The following ATP2B2 variants were observed in gnomAD, a reference collection of about 807,000 sequenced individuals.
ATP2B2 encodes the protein plasma membrane calcium-transporting ATPase 2.
Under a neutral mutation model 120.0 loss-of-function variants are expected in ATP2B2, and 15 were observed. The ratio of observed to expected loss-of-function variants is 0.12; its 90% confidence interval spans 0.08 to 0.19. The LOEUF (loss-of-function observed/expected upper bound fraction) is 0.19, where lower values mean the gene tolerates loss of function less well. ATP2B2 is among the 10% of genes least tolerant of loss of function. The pLI is 1.00. For synonymous variants in ATP2B2, 694 were observed against 700.3 expected, an observed-to-expected ratio of 0.99 and a Z score of 0.14; for missense variants, 1,045 against 1,719.8, an observed-to-expected ratio of 0.61 and a Z score of 6.94.
At chr3:10,360,196 A>C in intron 12 of ATP2B2, 73 bp from the exon 13 acceptor site, 1 of 1,513,860 alleles carries the variant, frequency 6.6e-7, no homozygotes, top group Non-Finnish European at 8.8e-7. Flanking sequence ...GCTGCCACTG[A>C]GGCTCTGGGA....
intron 1 of ATP2B2, among the ~76,000 whole-genome samples, chr3:10,647,263 G>C (rs2070345734): frequency 6.6e-6 from 1 of 152,106 alleles, no homozygotes. Flanking sequence ...GAGGAGATGG[G>C]CTCAGAGGAC....
At chr3:10,523,816 C>A (rs1450635248) in intron 3 of ATP2B2, among the ~76,000 whole-genome samples, 1 of 150,338 alleles carries the variant, frequency 6.7e-6, no homozygotes, top group African/African-American at 2.5e-5. Flanking sequence ...TATCTCTAGG[C>A]CCCCGTTTCC....
chr3:10,338,127 T>C (rs559790237), intron 22 of ATP2B2, 49 bp downstream of exon 22: 282 of 1,610,314 alleles, frequency 1.8e-4, no homozygotes, highest in Admixed American at 3.5e-4. Flanking sequence ...CTCCATCCCC[T>C]GGCCCGCCCC....
At position 10,551,156 on chromosome 3, in the gene ATP2B2, C is replaced by T. The variant is rs947531348; in HGVS notation, c.-414-17023G>A. 3.3e-5 allele frequency among the ~76,000 whole-genome samples: 5 copies of T among 152,328 alleles called. No individual in the cohort carries two copies. In the East Asian group the frequency reaches 5.8e-4, roughly 18 times the overall value. On this transcript the variant is annotated intron_variant, in intron 2 of 21. Transcript: ENST00000646379. Reference sequence around the variant, plus strand: ...ATACCAAGTCGCTCAAATAACTACACGTATTTTCTACTGCCCCCTTCTCCC... The same window carrying T: ...ATACCAAGTCGCTCAAATAACTACATGTATTTTCTACTGCCCCCTTCTCCC...
chr3:10,394,612 C>T (rs1262780352), intron 5 of ATP2B2: 4 of 444,336 alleles, frequency 9.0e-6, no homozygotes, highest in South Asian at 6.3e-5. Flanking sequence ...TCCTAGGCTC[C>T]CTGGAGACGG....
intron 5 of ATP2B2, among the ~76,000 whole-genome samples, chr3:10,395,256 G>A (rs2061997553): frequency 6.6e-6 from 1 of 152,234 alleles, no homozygotes. Context: ...ATGAGGCGCT[G>A]CTCCATGCAG....
chr3:10,540,843 A>T (rs1031572381), intron 2 of ATP2B2, among the ~76,000 whole-genome samples: 1 of 151,686 alleles, frequency 6.6e-6, no homozygotes, highest in Non-Finnish European at 1.5e-5. Flanking sequence ...CGTTGTGCAC[A>T]TGTACCCTAG....
At chr3:10,381,487 T>G (rs2061529796) in intron 8 of ATP2B2, among the ~76,000 whole-genome samples, 1 of 152,226 alleles carries the variant, frequency 6.6e-6, no homozygotes, top group African/African-American at 2.4e-5. Context: ...CACTTTCCTC[T>G]TTTATTTCCA....
chr3:10,537,191 T>C (rs1444741801), intron 2 of ATP2B2, among the ~76,000 whole-genome samples: 1 of 152,226 alleles, frequency 6.6e-6, no homozygotes, highest in Non-Finnish European at 1.5e-5. Context: ...TTTTCAAAAT[T>C]GTTTTAGATA....
intron 3 of ATP2B2, among the ~76,000 whole-genome samples, chr3:10,531,066 T>C (rs1167481019): frequency 3.3e-5 from 5 of 152,202 alleles, no homozygotes; most frequent in Non-Finnish European, 7.3e-5. Context: ...GATTCCCTTA[T>C]TGAGGCAGTG....
At chr3:10,430,183 C>T (rs1351625198) in intron 2 of ATP2B2, among the ~76,000 whole-genome samples, 2 of 152,222 alleles carry the variant, frequency 1.3e-5, no homozygotes, top group Non-Finnish European at 2.9e-5. Flanking sequence ...TGTTTTCACA[C>T]CTGCTAACAC....
chr3:10,373,712 C>T (rs2061306613), intron 11 of ATP2B2, among the ~76,000 whole-genome samples: 1 of 151,892 alleles, frequency 6.6e-6, no homozygotes, highest in Admixed American at 6.6e-5. Flanking sequence ...AATAATGTAG[C>T]TACTAGGAAT....
chr3:10,420,398 G>A (rs1373250619), intron 2 of ATP2B2, among the ~76,000 whole-genome samples: 3 of 142,366 alleles, frequency 2.1e-5, no homozygotes, highest in Non-Finnish European at 4.5e-5. Context: ...TCTCGCTCTT[G>A]TCCTCCAGGC....
At chr3:10,611,560 T>C (rs1215292221) in intron 2 of ATP2B2, among the ~76,000 whole-genome samples, 3 of 152,158 alleles carry the variant, frequency 2.0e-5, no homozygotes, top group East Asian at 1.9e-4. Flanking sequence ...CAGTGACATG[T>C]GCTTGGGGGG....
intron 1 of ATP2B2, chr3:10,626,054 G>A (rs2069689988): frequency 6.6e-6 from 1 of 151,744 alleles, no homozygotes; most frequent in Non-Finnish European, 1.5e-5. Flanking sequence ...GAAAAAAAGT[G>A]AGCTCATTTG....
At chr3:10,390,419 T>C (rs1450148071) in intron 5 of ATP2B2, among the ~76,000 whole-genome samples, 2 of 152,140 alleles carry the variant, frequency 1.3e-5, no homozygotes, top group Non-Finnish European at 2.9e-5. Flanking sequence ...ATCACCCACC[T>C]TGTCCCTTTC....
chr3:10,431,677 T>C (rs1480406935), intron 2 of ATP2B2, among the ~76,000 whole-genome samples: 2 of 152,114 alleles, frequency 1.3e-5, no homozygotes, highest in Non-Finnish European at 2.9e-5. Flanking sequence ...CACTACCCTT[T>C]TATCTCCAGG....
chr3:10,385,152 GC>G, intron 8 of ATP2B2, 115 bp downstream of exon 8: 1 of 1,033,024 alleles, frequency 9.7e-7, no homozygotes, highest in Non-Finnish European at 1.5e-6. Flanking sequence ...TGTCCCAGCG[GC>G]CCATGCACAT....
intron 6 of ATP2B2, 86 bp downstream of exon 6, chr3:10,388,191 A>T: frequency 6.3e-7 from 1 of 1,598,542 alleles, no homozygotes; most frequent in Non-Finnish European, 8.6e-7. Context: ...GGCACTCAAT[A>T]ACTATTTTGT....
Sources: gnomAD v4.1 joint callset for allele counts (sites outside exome capture counted in the v4.1 genomes callset) on GRCh38, gnomAD v4.1.1 for gene constraint, MANE v1.5 for transcripts, NCBI Gene and HGNC (gene_info 2026-07-23, HGNC 2026-07-21) for gene names.